Variants in IL1RAPL2 observed in about 807,000 individuals in gnomAD.
IL1RAPL2 encodes interleukin 1 receptor accessory protein like 2, also known as X-linked interleukin-1 receptor accessory protein-like 2.
In IL1RAPL2, 3 loss-of-function variants were observed where a neutral mutation model predicts 44.1. That is an observed-to-expected ratio of 0.07 (90% confidence interval 0.03 to 0.18). IL1RAPL2 has a LOEUF of 0.18. Ranked by LOEUF, IL1RAPL2 falls within the 10% of genes least tolerant of loss-of-function variation. IL1RAPL2 has a pLI of 1.00. For synonymous variants in IL1RAPL2, 181 were observed against 178.8 expected (o/e 1.01, Z -0.10); for missense variants, 391 against 496.4 (o/e 0.79, Z 2.02).
intron 1 of IL1RAPL2, among the ~76,000 whole-genome samples, chrX:104,613,167 T>A (rs563203296): frequency 5.4e-5 from 6 of 111,857 alleles, no homozygotes; most frequent in African/African-American, 1.9e-4. Flanking sequence ...CTTTTATATC[T>A]TTCTCTTGTC....
intron 2 of IL1RAPL2, among the ~76,000 whole-genome samples, chrX:104,705,241 T>G (rs1473737173): frequency 8.9e-6 from 1 of 111,804 alleles, no homozygotes; most frequent in Non-Finnish European, 1.9e-5. Context: ...GCTAAGTGAC[T>G]TGCCCAAGCT....
At chrX:104,973,150 T>C (rs1422294970) in intron 2 of IL1RAPL2, among the ~76,000 whole-genome samples, 1 of 111,780 alleles carries the variant, frequency 8.9e-6, no homozygotes, top group African/African-American at 3.3e-5. Flanking sequence ...TGGAAGAGAC[T>C]TGTGAATCTA....
At position 105,037,040 on chromosome X, in the gene IL1RAPL2, G is replaced by T. The variant is rs544262827; in HGVS notation, c.83-158435G>T. ...TAGAAGATGAAGTCATTCTTCTGTGGATATTAACATGCACAATTTTGCAGA... is the reference window on the plus strand; with the variant it reads ...TAGAAGATGAAGTCATTCTTCTGTGTATATTAACATGCACAATTTTGCAGA... On this transcript the variant is annotated intron_variant, in intron 2 of 10. Transcript: ENST00000372582. Among the ~76,000 whole-genome samples the T allele has an allele frequency of 1.3e-4, 15 of 111,996 alleles. No homozygotes were observed. The South Asian group carries it at 5.2e-3, about 38-fold the overall frequency.
intron 2 of IL1RAPL2, among the ~76,000 whole-genome samples, chrX:104,917,976 A>T (rs1924511708): frequency 9.0e-6 from 1 of 111,489 alleles, no homozygotes; most frequent in East Asian, 2.8e-4. Flanking sequence ...ACTTTACCAG[A>T]TATACTAATT....
At chrX:105,415,046 T>C (rs1383930272) in intron 5 of IL1RAPL2, among the ~76,000 whole-genome samples, 1 of 112,384 alleles carries the variant, frequency 8.9e-6, no homozygotes, top group Admixed American at 9.4e-5. Flanking sequence ...TTAAAGTCTT[T>C]GCTTTGCATC....
chrX:104,700,554 G>T (rs1418478640), intron 2 of IL1RAPL2, among the ~76,000 whole-genome samples: 1 of 111,606 alleles, frequency 9.0e-6, no homozygotes, highest in East Asian at 2.8e-4. Context: ...TCATTGCCTT[G>T]TTTTCACATT....
intron 1 of IL1RAPL2, among the ~76,000 whole-genome samples, chrX:104,572,540 A>G (rs1370031273): frequency 8.9e-6 from 1 of 112,121 alleles, no homozygotes; most frequent in Non-Finnish European, 1.9e-5. Flanking sequence ...AGCTTAATGC[A>G]ACTCTCCCTA....
In IL1RAPL2 at chrX:105,206,949, A is replaced by G. The variant is rs1235555945; in HGVS notation, c.356+11201A>G. 7.2e-5 allele frequency among the ~76,000 whole-genome samples: 8 copies of G among 111,626 alleles called. No individual in the cohort carries two copies. In the Admixed American group the frequency reaches 7.6e-4, roughly 11 times the overall value. On this transcript the variant is annotated intron_variant, in intron 3 of 10. Coordinates refer to ENST00000372582, the MANE Select transcript of IL1RAPL2 (RefSeq NM_017416.2). ...CAATTAGAGAAACATATACATCAGT[A>G]TATGACAAAGTGCTAGAATGAATAT...
chrX:105,441,611 T>C (rs923066834), intron 5 of IL1RAPL2, among the ~76,000 whole-genome samples: 2 of 111,964 alleles, frequency 1.8e-5, no homozygotes, highest in African/African-American at 3.2e-5. Flanking sequence ...ATATTATGCT[T>C]ATAAGATTCA....
intron 5 of IL1RAPL2, among the ~76,000 whole-genome samples, chrX:105,287,035 G>A (rs1042311108): frequency 2.7e-5 from 3 of 111,929 alleles, no homozygotes; most frequent in African/African-American, 9.7e-5. Context: ...CACAGTTCTT[G>A]TCTTTAAGAG....
intron 2 of IL1RAPL2, among the ~76,000 whole-genome samples, chrX:104,699,838 C>T (rs1931245844): frequency 8.9e-6 from 1 of 112,036 alleles, no homozygotes; most frequent in Admixed American, 9.5e-5. Context: ...AGTTTGCCAG[C>T]CCCTACTCTA....
At chrX:105,325,216 G>A (rs1033908996) in intron 5 of IL1RAPL2, among the ~76,000 whole-genome samples, 10 of 109,877 alleles carry the variant, frequency 9.1e-5, no homozygotes, top group African/African-American at 3.0e-4. Flanking sequence ...CATTTTTTCA[G>A]CCCCAGGCTA....
chrX:105,693,851 A>G (rs1448800267), intron 6 of IL1RAPL2, among the ~76,000 whole-genome samples: 1 of 111,446 alleles, frequency 9.0e-6, no homozygotes, highest in Non-Finnish European at 1.9e-5. Flanking sequence ...GCCATGAACC[A>G]AGGAACCGAG....
chrX:105,417,156 C>G, intron 5 of IL1RAPL2, among the ~76,000 whole-genome samples: 1 of 112,355 alleles, frequency 8.9e-6, no homozygotes, highest in Non-Finnish European at 1.9e-5. Context: ...TTTCACCAAA[C>G]AGGAAATTAG....
chrX:105,735,728 A>G (rs139131266), intron 7 of IL1RAPL2, among the ~76,000 whole-genome samples: 1,706 of 111,403 alleles, frequency 0.015, 35 homozygotes, highest in African/African-American at 0.052. Context: ...GTGTCTCCTC[A>G]TTTAAATTTT....
At chrX:104,903,290 T>C (rs1000557918) in intron 2 of IL1RAPL2, among the ~76,000 whole-genome samples, 2 of 112,252 alleles carry the variant, frequency 1.8e-5, no homozygotes, top group African/African-American at 6.5e-5. Context: ...TCATTTTATA[T>C]ATGTTGGTCA....
chrX:104,634,785 T>G (rs1217300438), intron 1 of IL1RAPL2, among the ~76,000 whole-genome samples: 2 of 111,965 alleles, frequency 1.8e-5, no homozygotes, highest in Non-Finnish European at 3.8e-5. Context: ...TGATGGGTCT[T>G]GACTCTATCC....
intron 5 of IL1RAPL2, among the ~76,000 whole-genome samples, chrX:105,448,631 C>T (rs1403089192): frequency 9.0e-6 from 1 of 111,367 alleles, no homozygotes; most frequent in Non-Finnish European, 1.9e-5. Flanking sequence ...TCCCAATGTG[C>T]TGGGATTACA....
chrX:104,907,608 T>C lies in IL1RAPL2; in HGVS notation c.82+248613T>C, dbSNP rs1309148881. 5.4e-5 allele frequency among the ~76,000 whole-genome samples: 6 copies of C among 111,581 alleles called. No individual in the cohort carries two copies. In the East Asian group the frequency reaches 1.1e-3, roughly 21 times the overall value. The stretch of plus-strand genomic sequence containing the variant: ...GTTGTTCAGTTTCCATGTAGTTGAG[T>C]GGTTTTGAGTGAGATTCTTAATCCT... On this transcript the variant is annotated intron_variant, in intron 2 of 10. Transcript: ENST00000372582.
Sources: allele counts gnomAD v4.1 joint callset (sites outside exome capture counted in the v4.1 genomes callset), GRCh38; gene constraint gnomAD v4.1.1; transcripts MANE v1.5; gene names NCBI Gene and HGNC (gene_info 2026-07-23, HGNC 2026-07-21).